The following CNTN3 variants were observed in gnomAD, a reference collection of about 807,000 sequenced individuals.
CNTN3 encodes contactin-3.
CNTN3 carries 60 observed loss-of-function variants against 119.1 expected under a neutral mutation model. The observed-to-expected ratio is 0.50, with a 90% confidence interval of 0.41 to 0.62. The LOEUF is 0.62. Ranked by LOEUF, CNTN3 falls within the 20% of genes least tolerant of loss-of-function variation. The pLI is 0.00. For missense variants in CNTN3, 1,101 were observed against 1,242.4 expected (o/e 0.89, Z 1.71); for synonymous variants, 450 against 438.7 (o/e 1.03, Z -0.32).
chr3:74,390,554 T>C (rs1704873765), intron 5 of CNTN3, among the ~76,000 whole-genome samples: 1 of 151,368 alleles, frequency 6.6e-6, no homozygotes. Flanking sequence ...CTCTGAGAGG[T>C]AGGCATGGGA....
At position 74,344,396 on chromosome 3, in the gene CNTN3, G is replaced by GTTTTTTTTT. The variant is rs1274539668; in HGVS notation, c.1365-7739_1365-7738insAAAAAAAAA. Among the ~76,000 whole-genome samples, 2 of 87,812 alleles carry GTTTTTTTTT rather than the reference G, an allele frequency of 2.3e-5. 1 individual carries two copies. The highest frequency in any genetic ancestry group is 4.7e-5 in the Non-Finnish European group (2 of 43,006). The allele number at this position is 87,812 out of a possible 152,430, so 57.6% of individuals were successfully genotyped here. ...TAGTTCATTTACAACCTTACACAGTGGTTTTTTTTTTTTTTTTTTTTTTTT... is the reference window on the plus strand; with the variant it reads ...TAGTTCATTTACAACCTTACACAGTGTTTTTTTTTGTTTTTTTTTTTTTTTTTTTTTTTT... On this transcript the variant is annotated intron_variant, in intron 11 of 22. Transcript: ENST00000263665.
intron 20 of CNTN3, among the ~76,000 whole-genome samples, chr3:74,268,569 TCTTTTAACACTATTCTA>T (rs1701707930): frequency 6.6e-6 from 1 of 152,200 alleles, no homozygotes; most frequent in Non-Finnish European, 1.5e-5. Context: ...GCTTTTTGTC[TCTTTTAACACTATTCTA>T]TGTTGCCTTT....
rs534320268 is a variant in CNTN3 at position 74,446,592 on chromosome 3, G to GA, written c.359-21653dup. Reference sequence around the variant, plus strand: ...AAATGGATTTCAAAGACTTAGTACAGAAAAAAAATTCTGTGAATAATTTTT... The same window carrying GA: ...AAATGGATTTCAAAGACTTAGTACAGAAAAAAAAATTCTGTGAATAATTTTT... On this transcript the variant is annotated intron_variant, in intron 4 of 22. Transcript: ENST00000263665. Among the ~76,000 whole-genome samples the GA allele has an allele frequency of 5.0e-3, 734 of 147,958 alleles. 9 individuals are homozygous for GA. Among genetic ancestry groups the GA allele is most frequent in the Admixed American group, 0.018 (269 of 14,922 alleles).
At chr3:74,326,681 G>T (rs76784656) in intron 13 of CNTN3, among the ~76,000 whole-genome samples, 1,651 of 152,006 alleles carry the variant, frequency 0.011, 14 homozygotes, top group Middle Eastern at 0.021. Context: ...ATACTATTGG[G>T]TTTTGAGTAG....
At chr3:74,411,775 G>A (rs1425972667) in intron 5 of CNTN3, among the ~76,000 whole-genome samples, 1 of 152,040 alleles carries the variant, frequency 6.6e-6, no homozygotes, top group African/African-American at 2.4e-5. Flanking sequence ...CCATCAATTA[G>A]ATAGTCTTGC....
intron 1 of CNTN3, among the ~76,000 whole-genome samples, chr3:74,571,601 T>C (rs1704335196): frequency 6.6e-6 from 1 of 152,198 alleles, no homozygotes. Context: ...AAAGTTCTTG[T>C]GGTATATGTT....
chr3:74,413,590 T>A (rs1021244117), intron 5 of CNTN3, among the ~76,000 whole-genome samples: 1 of 152,168 alleles, frequency 6.6e-6, no homozygotes, highest in African/African-American at 2.4e-5. Flanking sequence ...GTTTAGAGAT[T>A]TAGCTGTTAC....
At chr3:74,517,787 C>G (rs549949633) in intron 2 of CNTN3, among the ~76,000 whole-genome samples, 1 of 151,996 alleles carries the variant, frequency 6.6e-6, no homozygotes, top group South Asian at 2.1e-4. Flanking sequence ...ATTTAATTCT[C>G]CATACTTCAT....
chr3:74,288,530 A>C (rs926876143), intron 19 of CNTN3, among the ~76,000 whole-genome samples: 1 of 152,198 alleles, frequency 6.6e-6, no homozygotes, highest in Non-Finnish European at 1.5e-5. Flanking sequence ...GGAGGCTGGA[A>C]GAAGGCATCA....
chr3:74,424,842 T>G lies in CNTN3; in HGVS notation c.454+3A>C. Reference sequence around the variant, plus strand: ...TGAAAAGCAGAAACAGAGCATGACTTACCTCCAGAGTGTGGTGGGGGGCCG... The same window carrying G: ...TGAAAAGCAGAAACAGAGCATGACTGACCTCCAGAGTGTGGTGGGGGGCCG... On this transcript the variant is annotated splice_donor_region_variant and intron_variant, in intron 5 of 22. Coordinates refer to ENST00000263665, the MANE Select transcript of CNTN3 (RefSeq NM_020872.3). 1 of 1,612,768 alleles carries G rather than the reference T, an allele frequency of 6.2e-7. No individual in the cohort carries two copies. Among genetic ancestry groups the G allele is most frequent in the Non-Finnish European group, 8.5e-7 (1 of 1,178,996 alleles).
chr3:74,447,571 C>T (rs1323557417), intron 4 of CNTN3, among the ~76,000 whole-genome samples: 1 of 151,738 alleles, frequency 6.6e-6, no homozygotes, highest in African/African-American at 2.4e-5. Context: ...GAAAATAAGA[C>T]CTACTAAGAT....
intron 5 of CNTN3, among the ~76,000 whole-genome samples, chr3:74,373,827 A>G (rs1157092894): frequency 1.3e-5 from 2 of 152,144 alleles, no homozygotes; most frequent in South Asian, 2.1e-4. Flanking sequence ...TGACTGGTAG[A>G]AGAAGGAAGG....
At chr3:74,322,722 C>T (rs1703026383) in intron 13 of CNTN3, among the ~76,000 whole-genome samples, 1 of 152,042 alleles carries the variant, frequency 6.6e-6, no homozygotes, top group Admixed American at 6.5e-5. Context: ...TTCATAATTG[C>T]CAAAACATGG....
rs1418842277 is a variant in CNTN3 at position 74,369,204 on chromosome 3, G to T, written c.931C>A (p.Arg311Ser). 1.9e-6 allele frequency: 3 copies of T among 1,601,372 alleles called. No individual in the cohort carries two copies. In the Admixed American group the frequency reaches 5.2e-5, roughly 28 times the overall value. The change falls in exon 8 of 23, where the codon CGT becomes AGT. Residue 311 changes from arginine to serine, a missense_variant. By Grantham distance (110) the Arg-to-Ser change is moderately radical. Coordinates refer to ENST00000263665, the MANE Select transcript of CNTN3 (RefSeq NM_020872.3). ...AGATGCTCACCATAGTAAGTGAGAC[G>T]CCCTCTGGCAACATTTTTTCCTCGT... The part of the protein sequence containing the change: ...NSRGKNVARG[R>S]LTYYAKPHWV...
chr3:74,550,781 A>G (rs1703978809), intron 1 of CNTN3, among the ~76,000 whole-genome samples: 1 of 152,072 alleles, frequency 6.6e-6, no homozygotes, highest in African/African-American at 2.4e-5. Context: ...GGCTCAAGCA[A>G]TCTTTCCATC....
chr3:74,384,451 A>G (rs946899518), intron 5 of CNTN3, among the ~76,000 whole-genome samples: 1 of 152,266 alleles, frequency 6.6e-6, no homozygotes, highest in African/African-American at 2.4e-5. Context: ...TGCCTTGATC[A>G]AAGTCCAGAA....
chr3:74,379,732 G>T (rs747416287), intron 5 of CNTN3, among the ~76,000 whole-genome samples: 1 of 152,182 alleles, frequency 6.6e-6, no homozygotes. Flanking sequence ...AGATGAAGAA[G>T]TGTAATGATG....
At chr3:74,524,885 G>A (rs1703593934) in intron 1 of CNTN3, among the ~76,000 whole-genome samples, 1 of 151,798 alleles carries the variant, frequency 6.6e-6, no homozygotes, top group African/African-American at 2.4e-5. Context: ...GGTGCTCATG[G>A]TATGTTTTTG....
In CNTN3 at chr3:74,390,020, T is replaced by C. The variant is rs1704855346; in HGVS notation, c.455-18621A>G. Among the ~76,000 whole-genome samples, 7 of 152,320 alleles carry C rather than the reference T, an allele frequency of 4.6e-5. No individual in the cohort carries two copies. In the South Asian group the frequency reaches 1.2e-3, roughly 27 times the overall value. Reference sequence around the variant, plus strand: ...CACTAAACCTTTGCCTTTCTTCAGATCTGTTCTTTTAAACTGACCGCCCAT... The same window carrying C: ...CACTAAACCTTTGCCTTTCTTCAGACCTGTTCTTTTAAACTGACCGCCCAT... On this transcript the variant is annotated intron_variant, in intron 5 of 22. Transcript: ENST00000263665.
Sources: allele counts gnomAD v4.1 joint callset (sites outside exome capture counted in the v4.1 genomes callset), GRCh38; gene constraint gnomAD v4.1.1; transcripts MANE v1.5; gene names NCBI Gene and HGNC (gene_info 2026-07-23, HGNC 2026-07-21).